The following PCDHA5 variants were observed in gnomAD, a reference collection of about 807,000 sequenced individuals.
PCDHA5 encodes protocadherin alpha 5.
In PCDHA5, 43 loss-of-function variants were observed where a neutral mutation model predicts 61.6. The observed-to-expected ratio is 0.70, with a 90% CI of 0.55 to 0.90. The LOEUF is 0.90. PCDHA5 is among the 40% of genes least tolerant of loss of function. The pLI, the probability that PCDHA5 is intolerant of heterozygous loss-of-function variation, is 0.00. For missense variants in PCDHA5, 1,298 were observed against 1,222.7 expected, an observed-to-expected ratio of 1.06 and a Z score of -0.92; for synonymous variants, 627 against 543.9, an observed-to-expected ratio of 1.15 and a Z score of -2.13.
chr5:140,885,480 A>G (rs782437070), intron 1 of PCDHA5, among the ~76,000 whole-genome samples: 7 of 152,158 alleles, frequency 4.6e-5, no homozygotes, highest in Non-Finnish European at 7.4e-5. Context: ...ACTTTGTGTC[A>G]AGTGTTCTGT....
At chr5:141,002,684 G>C (rs1432098268) in intron 3 of PCDHA5, among the ~76,000 whole-genome samples, 2 of 152,180 alleles carry the variant, frequency 1.3e-5, no homozygotes, top group Non-Finnish European at 2.9e-5. Context: ...TATACGACGT[G>C]CAGATTTGTT....
At chr5:140,900,438 C>G (rs573115268) in intron 1 of PCDHA5, among the ~76,000 whole-genome samples, 1 of 152,116 alleles carries the variant, frequency 6.6e-6, no homozygotes, top group East Asian at 1.9e-4. Context: ...CCACCACGGC[C>G]GGCTAATTTT....
chr5:140,830,731 G>C (rs1172672953), intron 1 of PCDHA5: 11 of 211,044 alleles, frequency 5.2e-5, no homozygotes, highest in Admixed American at 5.7e-5. Context: ...AATATTCTTG[G>C]ATATGTCGTT....
chr5:140,830,265 C>A, intron 1 of PCDHA5: 1 of 1,613,646 alleles, frequency 6.2e-7, no homozygotes, highest in East Asian at 2.2e-5. Flanking sequence ...CGGTGCTCGG[C>A]GCCACCCACC....
chr5:140,836,489 C>T (rs1554135994), intron 1 of PCDHA5: 1 of 1,613,890 alleles, frequency 6.2e-7, no homozygotes, highest in Admixed American at 1.7e-5. Context: ...ACCTGATCAT[C>T]GCCATCTGCG....
intron 1 of PCDHA5, among the ~76,000 whole-genome samples, chr5:140,936,813 T>C (rs1299896116): frequency 6.6e-6 from 1 of 152,216 alleles, no homozygotes; most frequent in Non-Finnish European, 1.5e-5. Flanking sequence ...TTAGCTATTT[T>C]TGGCCCTTTG....
At chr5:140,864,237 C>G (rs2048381218) in intron 1 of PCDHA5, 2 of 152,002 alleles carry the variant, frequency 1.3e-5, no homozygotes, top group Non-Finnish European at 2.9e-5. Flanking sequence ...GTTCTTTATT[C>G]CTATTCATTT....
chr5:140,851,631 T>C, intron 1 of PCDHA5: 1 of 919,266 alleles, frequency 1.1e-6, no homozygotes. Flanking sequence ...TTTAAACAAG[T>C]GTTTCCTTTC....
At chr5:140,888,309 C>T (rs1175163005) in intron 1 of PCDHA5, among the ~76,000 whole-genome samples, 1 of 152,138 alleles carries the variant, frequency 6.6e-6, no homozygotes, top group Admixed American at 6.5e-5. Context: ...GATAATTTGG[C>T]AATGCCTGGA....
At chr5:140,883,626 C>A (rs782798960) in intron 1 of PCDHA5, 2 of 1,613,968 alleles carry the variant, frequency 1.2e-6, no homozygotes, top group Non-Finnish European at 1.7e-6. Flanking sequence ...GACAACGCGC[C>A]GGCGTTCGCG....
chr5:140,863,783 G>C, intron 1 of PCDHA5: 1 of 226,522 alleles, frequency 4.4e-6, no homozygotes, highest in Non-Finnish European at 8.8e-6. Context: ...CGGATCACTC[G>C]AGGCCAGGAG....
intron 1 of PCDHA5, among the ~76,000 whole-genome samples, chr5:140,924,166 T>C (rs1409712075): frequency 6.6e-6 from 1 of 152,232 alleles, no homozygotes; most frequent in African/African-American, 2.4e-5. Flanking sequence ...TCCTAATCTC[T>C]GGCACTGAAG....
intron 1 of PCDHA5, chr5:140,929,690 C>T (rs921103809): frequency 1.4e-5 from 4 of 278,364 alleles, no homozygotes; most frequent in Non-Finnish European, 2.8e-5. Context: ...TAAGAGTCTG[C>T]TTTATATGAA....
chr5:140,978,787 C>G (rs1164015518), intron 1 of PCDHA5, 162 bp from the exon 2 acceptor site: 2 of 972,388 alleles, frequency 2.1e-6, no homozygotes, highest in Non-Finnish European at 2.4e-6. Context: ...TTCTAAAGTG[C>G]TATATATGTA....
chr5:140,848,279 C>A, intron 1 of PCDHA5: 1 of 591,730 alleles, frequency 1.7e-6, no homozygotes, highest in Admixed American at 3.0e-5. Flanking sequence ...GAAATATGTA[C>A]TTACACTTTG....
intron 1 of PCDHA5, among the ~76,000 whole-genome samples, chr5:140,978,737 G>A (rs2096820627): frequency 6.6e-6 from 1 of 152,180 alleles, no homozygotes; most frequent in Admixed American, 6.5e-5. Context: ...GGTCTTCCAG[G>A]GTATCTAATC....
At chr5:140,857,365 C>A (rs251362) in intron 1 of PCDHA5, 1 of 1,597,496 alleles carries the variant, frequency 6.3e-7, no homozygotes, top group South Asian at 1.1e-5. Context: ...CCACGGCCAG[C>A]GTGTCTGTGG....
chr5:140,936,714 C>G (rs2091106727), intron 1 of PCDHA5, among the ~76,000 whole-genome samples: 1 of 152,198 alleles, frequency 6.6e-6, no homozygotes, highest in African/African-American at 2.4e-5. Context: ...TGTGCCAATA[C>G]ATTCTGTGTT....
chr5:141,010,384 G>T lies in PCDHA5; in HGVS notation c.*447G>T, dbSNP rs2098417140. 10 of 1,411,480 alleles carry T rather than the reference G, an allele frequency of 7.1e-6. No homozygotes were observed. In the South Asian group the frequency reaches 8.5e-5, roughly 12 times the overall value. The allele number at this position is 1,411,480 out of a possible 1,614,324, so 87.4% of individuals were successfully genotyped here. A position where few individuals can be genotyped will look rare whatever the true frequency, so the allele number is the denominator to read the frequency against. ...GCGGGTATGCGAGTGCCAGATATTGGCTGAGACGAGCCAGCTTAGACTAAT... is the reference window on the plus strand; with the variant it reads ...GCGGGTATGCGAGTGCCAGATATTGTCTGAGACGAGCCAGCTTAGACTAAT... On this transcript the variant is annotated 3_prime_UTR_variant, in exon 4 of 4. Coordinates refer to ENST00000529859, the MANE Select transcript of PCDHA5 (RefSeq NM_018908.3).
Sources: gnomAD v4.1 joint callset for allele counts (sites outside exome capture counted in the v4.1 genomes callset) on GRCh38, gnomAD v4.1.1 for gene constraint, MANE v1.5 for transcripts, NCBI Gene and HGNC (gene_info 2026-07-23, HGNC 2026-07-21) for gene names.